Variants in AMBRA1 observed in about 807,000 individuals in gnomAD.
AMBRA1 encodes the protein autophagy and beclin 1 regulator 1.
A neutral mutation model predicts 125.4 loss-of-function variants in AMBRA1; 47 were observed. The ratio of observed to expected loss-of-function variants is 0.37; its 90% CI spans 0.30 to 0.48. AMBRA1 has a LOEUF of 0.48. Ranked by LOEUF, AMBRA1 falls within the 20% of genes least tolerant of loss-of-function variation. AMBRA1 has a pLI of 0.99. For synonymous variants in AMBRA1, 626 were observed against 655.5 expected (o/e 0.95, Z 0.69); for missense variants, 1,331 against 1,693.4 (o/e 0.79, Z 3.76).
Position 46,434,986 on chromosome 11 carries a change from C to T in AMBRA1, c.2684G>A (p.Cys895Tyr), listed in dbSNP as rs1396512046. The part of the protein sequence containing the change: ...QNCKIYNDAS[C>Y]DISADGQLLA... ...GAGCTGGCCATCTGCAGAAATGTCA[C>T]AGCTGGCATCATTGTAGATCTTGCA... Residue 895 changes from cysteine (C) to tyrosine (Y), a missense_variant, in exon 13 of 18, where the codon TGT (cysteine) becomes TAT (tyrosine). Cys to Tyr is a radical substitution (Grantham distance 194). Transcript: ENST00000683756. The T allele has an allele frequency of 6.2e-7, 1 of 1,613,744 alleles. No individual in the cohort carries two copies. Among genetic ancestry groups the T allele is most frequent in the Non-Finnish European group, 8.5e-7 (1 of 1,179,854 alleles).
At chr11:46,479,025 C>T (rs915435641) in intron 11 of AMBRA1, among the ~76,000 whole-genome samples, 9 of 152,038 alleles carry the variant, frequency 5.9e-5, no homozygotes, top group African/African-American at 2.2e-4. Flanking sequence ...ACAGTGAAAC[C>T]CTGTCTCTAC....
chr11:46,458,702 T>G (rs990381381), intron 11 of AMBRA1, among the ~76,000 whole-genome samples: 1 of 152,166 alleles, frequency 6.6e-6, no homozygotes, highest in African/African-American at 2.4e-5. Context: ...CCTCAAGTGA[T>G]CCTCCCACTT....
intron 14 of AMBRA1, among the ~76,000 whole-genome samples, chr11:46,423,579 G>A (rs1946957951): frequency 6.6e-6 from 1 of 151,364 alleles, no homozygotes; most frequent in Non-Finnish European, 1.5e-5. Flanking sequence ...TTTTAGTAGA[G>A]ACGGGGTTTC....
chr11:46,510,691 C>T (rs578154746), intron 8 of AMBRA1, among the ~76,000 whole-genome samples: 86 of 152,258 alleles, frequency 5.6e-4, no homozygotes, highest in African/African-American at 1.9e-3. Context: ...GTTTAAAAAG[C>T]ATTCCTGCCA....
At chr11:46,567,670 G>A (rs1014500052) in intron 1 of AMBRA1, among the ~76,000 whole-genome samples, 1 of 151,258 alleles carries the variant, frequency 6.6e-6, no homozygotes, top group African/African-American at 2.4e-5. Flanking sequence ...CTTTTAAGAT[G>A]TCTTTTCAGA....
chr11:46,439,388 A>G (rs1947890910), intron 12 of AMBRA1, among the ~76,000 whole-genome samples: 1 of 152,242 alleles, frequency 6.6e-6, no homozygotes, highest in Non-Finnish European at 1.5e-5. Flanking sequence ...CCAGAAATAT[A>G]TCTAAATACA....
At chr11:46,566,326 G>C (rs1238089057) in intron 1 of AMBRA1, among the ~76,000 whole-genome samples, 1 of 151,968 alleles carries the variant, frequency 6.6e-6, no homozygotes, top group African/African-American at 2.4e-5. Context: ...GCTGAGGCAG[G>C]AGAATCGCTT....
At chr11:46,483,047 A>T (rs1590923228) in intron 11 of AMBRA1, among the ~76,000 whole-genome samples, 1 of 151,826 alleles carries the variant, frequency 6.6e-6, no homozygotes, top group East Asian at 1.9e-4. Flanking sequence ...AAAAACCATG[A>T]ATCTGCTTAC....
rs1414689971 is a variant in AMBRA1 at position 46,508,294 on chromosome 11, T to C, written c.2236A>G (p.Met746Val). 4 of 1,614,160 alleles carry C rather than the reference T, an allele frequency of 2.5e-6. No homozygotes were observed. Among genetic ancestry groups the C allele is most frequent in the East Asian group, 2.2e-5 (1 of 44,886 alleles). The stretch of plus-strand genomic sequence containing the variant: ...CGGAGACGGTTCTGTTGGTAGCGCA[T>C]GGAGCGCTGGCGAATACTGTCTCTC... Reference protein sequence around the residue: ...SRRDSIRQRSMRYQQNRLRSS... With the variant: ...SRRDSIRQRSVRYQQNRLRSS... The change falls in exon 9 of 18, where the codon ATG becomes GTG. Residue 746 changes from methionine to valine, a missense_variant. Coordinates refer to ENST00000683756, the MANE Select transcript of AMBRA1 (RefSeq NM_001387011.1).
chr11:46,579,413 C>T (rs751679893), intron 1 of AMBRA1, among the ~76,000 whole-genome samples: 6 of 151,938 alleles, frequency 3.9e-5, no homozygotes, highest in Admixed American at 1.3e-4. Flanking sequence ...GCCGAGATCA[C>T]GCCATTGCAC....
chr11:46,548,905 T>G (rs2042905506), intron 1 of AMBRA1: 1 of 152,794 alleles, frequency 6.5e-6, no homozygotes, highest in Non-Finnish European at 1.5e-5. Context: ...GCAGGAGAAT[T>G]GCTTGAACCC....
intron 11 of AMBRA1, among the ~76,000 whole-genome samples, chr11:46,457,419 GA>G (rs1948896997): frequency 1.3e-5 from 2 of 152,166 alleles, no homozygotes; most frequent in African/African-American, 2.4e-5. Flanking sequence ...TGGAAGGGGG[GA>G]AAAATTTAAC....
At chr11:46,562,537 T>C (rs1020870832) in intron 1 of AMBRA1, among the ~76,000 whole-genome samples, 2 of 152,132 alleles carry the variant, frequency 1.3e-5, no homozygotes, top group East Asian at 1.9e-4. Context: ...TACAGATGCA[T>C]TGTATTTGAG....
rs150385250 is a variant in AMBRA1 at position 46,548,537 on chromosome 11, T to C, written c.-120-37A>G. On this transcript the variant is annotated intron_variant, in intron 1 of 17. Coordinates refer to ENST00000683756, the MANE Select transcript of AMBRA1 (RefSeq NM_001387011.1). ...AAGAATAATGTCAAAGAACGACTTC[T>C]GCAACGAGAAGCTTCTAATTGCAAA... 6.7e-4 allele frequency: 571 copies of C among 851,266 alleles called. 1 individual carries two copies. In the East Asian group the frequency reaches 0.014, roughly 20 times the overall value. 52.7% of individuals were successfully genotyped at this position (851,266 alleles called of 1,614,324 possible). A position where few individuals can be genotyped will look rare whatever the true frequency, so the allele number is the denominator to read the frequency against.
intron 1 of AMBRA1, among the ~76,000 whole-genome samples, chr11:46,561,239 G>A (rs567248653): frequency 6.6e-6 from 1 of 152,050 alleles, no homozygotes; most frequent in Admixed American, 6.5e-5. Flanking sequence ...AAATTAGCTG[G>A]GCGTGGTGTC....
chr11:46,534,470 G>C (rs1952372329), intron 7 of AMBRA1, among the ~76,000 whole-genome samples: 1 of 152,060 alleles, frequency 6.6e-6, no homozygotes, highest in African/African-American at 2.4e-5. Context: ...ACTCCAGCCT[G>C]GGCAAGAAGA....
At chr11:46,444,247 T>C (rs533952387) in intron 11 of AMBRA1, among the ~76,000 whole-genome samples, 100 of 152,338 alleles carry the variant, frequency 6.6e-4, no homozygotes, top group African/African-American at 2.3e-3. Flanking sequence ...AATATTTTTA[T>C]TAAGGCCATC....
intron 1 of AMBRA1, chr11:46,591,109 GCTTCATGA>G (rs2044580280): frequency 6.6e-6 from 1 of 152,070 alleles, no homozygotes; most frequent in Non-Finnish European, 1.5e-5. Flanking sequence ...TCCTAAGATT[GCTTCATGA>G]CACTCACAGC....
chr11:46,406,849 C>T (rs1341030219), intron 17 of AMBRA1, among the ~76,000 whole-genome samples: 4 of 151,008 alleles, frequency 2.6e-5, no homozygotes, highest in Non-Finnish European at 4.4e-5. Flanking sequence ...CACCACTGCA[C>T]TCCAGCCTCT....
Sources: allele counts gnomAD v4.1 joint callset (sites outside exome capture counted in the v4.1 genomes callset), GRCh38; gene constraint gnomAD v4.1.1; transcripts MANE v1.5; gene names NCBI Gene and HGNC (gene_info 2026-07-23, HGNC 2026-07-21).